The following PARD3B variants were observed in gnomAD, a reference collection of about 807,000 sequenced individuals.
PARD3B encodes par-3 family cell polarity regulator beta.
PARD3B carries 103 observed loss-of-function variants against 130.2 expected under a neutral mutation model. The observed-to-expected ratio is 0.79, with a 90% confidence interval of 0.67 to 0.93. The LOEUF is 0.93. Ranked by LOEUF, PARD3B falls within the 40% of genes least tolerant of loss-of-function variation. The pLI is 0.00. For missense variants in PARD3B, 1,609 were observed against 1,499.2 expected, an observed-to-expected ratio of 1.07 and a Z score of -1.21; for synonymous variants, 583 against 553.2, an observed-to-expected ratio of 1.05 and a Z score of -0.76.
intron 2 of PARD3B, among the ~76,000 whole-genome samples, chr2:204,872,944 C>A (rs2045685884): frequency 6.6e-6 from 1 of 152,052 alleles, no homozygotes; most frequent in Admixed American, 6.6e-5. Flanking sequence ...GTATTTTAAA[C>A]AATTTCTAAA....
chr2:205,604,313 G>A (rs113472762), intron 22 of PARD3B, among the ~76,000 whole-genome samples: 4,507 of 152,208 alleles, frequency 0.03, 171 homozygotes, highest in African/African-American at 0.082. Flanking sequence ...CCTCACAATC[G>A]TGGTGGGAGG....
chr2:205,047,628 C>T lies in PARD3B; in HGVS notation c.442C>T (p.Pro148Ser), dbSNP rs1253525793. Residue 148 changes from proline to serine, a missense_variant, in exon 4 of 23, where the codon CCT becomes TCT. Physicochemically the swap from Pro to Ser is moderately conservative, Grantham distance 74. Transcript: ENST00000406610. Reference protein sequence around the residue: ...RRSSDPVPGPPADTQPSASHP... With the variant: ...RRSSDPVPGPSADTQPSASHP... Reference sequence around the variant, plus strand: ...AAGCAGTGACCCAGTGCCAGGCCCACCTGCTGATACCCAGCCAAGCGCTTC... The same window carrying T: ...AAGCAGTGACCCAGTGCCAGGCCCATCTGCTGATACCCAGCCAAGCGCTTC... 8.4e-6 allele frequency: 13 copies of T among 1,550,722 alleles called. No individual in the cohort carries two copies. The highest frequency in any genetic ancestry group is 8.7e-7 in the Non-Finnish European group (1 of 1,146,942).
At chr2:205,051,037 G>A (rs772244473) in intron 4 of PARD3B, among the ~76,000 whole-genome samples, 8 of 152,064 alleles carry the variant, frequency 5.3e-5, no homozygotes, top group Non-Finnish European at 1.0e-4. Context: ...TTTATTGTTC[G>A]CTCACTGATA....
At chr2:205,373,643 A>G (rs1484126485) in intron 18 of PARD3B, among the ~76,000 whole-genome samples, 1 of 152,232 alleles carries the variant, frequency 6.6e-6, no homozygotes, top group Non-Finnish European at 1.5e-5. Flanking sequence ...TCTTAATTCA[A>G]TGACAATATT....
chr2:205,536,447 C>T (rs892300560), intron 21 of PARD3B, among the ~76,000 whole-genome samples: 3 of 152,160 alleles, frequency 2.0e-5, no homozygotes, highest in Non-Finnish European at 4.4e-5. Flanking sequence ...ATTCTACCCA[C>T]TCTTTGGATG....
At chr2:205,063,250 A>G (rs1700163719) in intron 4 of PARD3B, among the ~76,000 whole-genome samples, 1 of 152,074 alleles carries the variant, frequency 6.6e-6, no homozygotes, top group Non-Finnish European at 1.5e-5. Flanking sequence ...TAATTTGATC[A>G]TTATACGTTG....
intron 1 of PARD3B, among the ~76,000 whole-genome samples, chr2:204,554,449 T>C (rs934211163): frequency 2.0e-5 from 3 of 152,102 alleles, no homozygotes; most frequent in Non-Finnish European, 2.9e-5. Flanking sequence ...TTCTAGCTGT[T>C]CACCAGAAAT....
chr2:204,910,620 A>G (rs1242542052), intron 2 of PARD3B, among the ~76,000 whole-genome samples: 1 of 152,056 alleles, frequency 6.6e-6, no homozygotes, highest in Non-Finnish European at 1.5e-5. Flanking sequence ...CCTGTAAATA[A>G]GATTACTGTT....
Position 205,230,103 on chromosome 2 carries a change from T to C in PARD3B, c.2141-15675T>C, listed in dbSNP as rs1367898147. The stretch of plus-strand genomic sequence containing the variant: ...GCTGTCTAAGAGCCAAAGTGTGGAA[T>C]TGGTGATCCCAAGAACCCGCTTTGT... On this transcript the variant is annotated intron_variant, in intron 15 of 22. Coordinates refer to ENST00000406610, the MANE Select transcript of PARD3B (RefSeq NM_001302769.2). This position sits in a 1 kb window ranked among gnomAD's most constrained non-coding sequence, Gnocchi z 4.1. Among the ~76,000 whole-genome samples, 4 of 151,996 alleles carry C rather than the reference T, an allele frequency of 2.6e-5. No individual in the cohort carries two copies. Among genetic ancestry groups the C allele is most frequent in the Admixed American group, 1.3e-4 (2 of 15,256 alleles).
chr2:205,149,487 C>T (rs528352055), intron 10 of PARD3B, among the ~76,000 whole-genome samples: 43 of 152,250 alleles, frequency 2.8e-4, no homozygotes, highest in Non-Finnish European at 5.7e-4. Context: ...CATACTTCCT[C>T]TGGAAAATTA....
rs1374576036 is a variant in PARD3B at position 205,381,058 on chromosome 2, A to AAGAATATATAATATAT, written c.2631-19945_2631-19944insATATATAGAATATATA. 6.7e-5 allele frequency among the ~76,000 whole-genome samples: 5 copies of AAGAATATATAATATAT among 74,888 alleles called. 1 individual carries two copies. The highest frequency in any genetic ancestry group is 1.1e-4 in the Non-Finnish European group (5 of 47,146). 49.1% of individuals were successfully genotyped at this position (74,888 alleles called of 152,430 possible). The stretch of plus-strand genomic sequence containing the variant: ...ATATAAAGAATATATATTATATATA[A>AAGAATATATAATATAT]AGAATATATATTATATATATTATAT... On this transcript the variant is annotated intron_variant, in intron 18 of 22. Coordinates refer to ENST00000406610, the MANE Select transcript of PARD3B (RefSeq NM_001302769.2).
In PARD3B at chr2:204,689,288, T is replaced by G. The variant is rs2125249941; in HGVS notation, c.222+3006T>G. Among the ~76,000 whole-genome samples, 1 of 152,252 alleles carries G rather than the reference T, an allele frequency of 6.6e-6. No individual in the cohort carries two copies. The highest frequency in any genetic ancestry group is 6.5e-5 in the Admixed American group (1 of 15,290). On this transcript the variant is annotated intron_variant, in intron 2 of 22. Transcript: ENST00000406610. This position sits in a 1 kb window ranked among gnomAD's most constrained non-coding sequence, Gnocchi z 5.2. The stretch of plus-strand genomic sequence containing the variant: ...CATGGTATCTGCTTGGGAGCTTTGG[T>G]TTTTTAAACTTGCTTTCCTAGTACA...
chr2:204,809,359 G>A (rs188831621), intron 2 of PARD3B, among the ~76,000 whole-genome samples: 4 of 152,220 alleles, frequency 2.6e-5, no homozygotes, highest in African/African-American at 9.6e-5. Context: ...CAGTTTCTAT[G>A]TTCAGAATGA....
chr2:205,130,886 A>C (rs1248916370), intron 10 of PARD3B, among the ~76,000 whole-genome samples: 1 of 152,194 alleles, frequency 6.6e-6, no homozygotes, highest in African/African-American at 2.4e-5. Context: ...AGAAAAAATG[A>C]TGCACATGCA....
At position 205,274,592 on chromosome 2, in the gene PARD3B, C is replaced by T. The variant is rs1376945130; in HGVS notation, c.2186-25938C>T. 1.3e-5 allele frequency among the ~76,000 whole-genome samples: 2 copies of T among 151,812 alleles called. No homozygotes were observed. Among genetic ancestry groups the T allele is most frequent in the East Asian group, 1.9e-4 (1 of 5,196 alleles). ...CCTTAATTTACATGGTATACTTTTA[C>T]ATTGATTTTTTTATAAATCATTTCT... is the stretch of plus-strand genomic sequence containing the variant. On this transcript the variant is annotated intron_variant, in intron 16 of 22. Transcript: ENST00000406610. The surrounding 1 kb of genome is among the most constrained non-coding windows in gnomAD (Gnocchi z 4.2).
intron 2 of PARD3B, among the ~76,000 whole-genome samples, chr2:204,712,187 A>G (rs1241270007): frequency 6.6e-6 from 1 of 152,248 alleles, no homozygotes; most frequent in Non-Finnish European, 1.5e-5. Context: ...GAAAATGATT[A>G]ACAAAAATCT....
At chr2:205,600,127 A>G (rs1430178020) in intron 22 of PARD3B, among the ~76,000 whole-genome samples, 1 of 152,190 alleles carries the variant, frequency 6.6e-6, no homozygotes, top group African/African-American at 2.4e-5. Flanking sequence ...TACTATTGGA[A>G]TGGTCCATTG....
intron 2 of PARD3B, among the ~76,000 whole-genome samples, chr2:204,764,068 T>G (rs1362147625): frequency 6.6e-6 from 1 of 152,134 alleles, no homozygotes; most frequent in Non-Finnish European, 1.5e-5. Flanking sequence ...GTGTGGACAC[T>G]AAGGGTGAGG....
chr2:205,192,513 C>A (rs968783574), intron 14 of PARD3B, among the ~76,000 whole-genome samples: 1 of 152,222 alleles, frequency 6.6e-6, no homozygotes, highest in African/African-American at 2.4e-5. Context: ...ATGTAATACC[C>A]TCTATCCTCA....
Sources: allele counts gnomAD v4.1 joint callset (sites outside exome capture counted in the v4.1 genomes callset), GRCh38; gene constraint gnomAD v4.1.1; non-coding constraint Gnocchi (gnomAD v3.1); transcripts MANE v1.5; gene names NCBI Gene and HGNC (gene_info 2026-07-23, HGNC 2026-07-21).